Variants in DYNLL1 observed in about 807,000 individuals in gnomAD.
DYNLL1 encodes the protein dynein light chain 1, cytoplasmic.
In DYNLL1, 3 loss-of-function variants were observed where a neutral mutation model predicts 10.1. The observed-to-expected ratio is 0.30, with a 90% CI of 0.14 to 0.77. The LOEUF is 0.77. DYNLL1 is among the 30% of genes least tolerant of loss of function. The pLI is 0.66. For synonymous variants in DYNLL1, 46 were observed against 41.2 expected (o/e 1.12, Z -0.45); for missense variants, 47 against 111.7 (o/e 0.42, Z 2.61).
chr12:120,485,089 T>C (rs1616443), intron 1 of DYNLL1, among the ~76,000 whole-genome samples: 84,196 of 151,932 alleles, frequency 0.55, 25,179 homozygotes, highest in Admixed American at 0.67. Flanking sequence ...CAGTAGCTCA[T>C]GCTTGTAATC....
At chr12:120,479,376 C>T (rs991733567) in intron 1 of DYNLL1, among the ~76,000 whole-genome samples, 2 of 143,324 alleles carry the variant, frequency 1.4e-5, no homozygotes, top group Non-Finnish European at 3.0e-5. Flanking sequence ...ATCACTTGAA[C>T]CCGGGAGGCG....
At chr12:120,478,448 A>G (rs1198139418) in intron 1 of DYNLL1, among the ~76,000 whole-genome samples, 1 of 145,894 alleles carries the variant, frequency 6.9e-6, no homozygotes, top group Admixed American at 6.8e-5. Flanking sequence ...GTCTCACTAT[A>G]TTACCTAGGC....
chr12:120,495,819 C>T (rs929805383), upstream of DYNLL1: 1 of 156,284 alleles, frequency 6.4e-6, no homozygotes, highest in African/African-American at 2.4e-5. Context: ...AGCTCCCTTC[C>T]TACCTCTCCA....
intron 1 of DYNLL1, among the ~76,000 whole-genome samples, chr12:120,486,770 A>C (rs1295738097): frequency 6.6e-6 from 1 of 151,986 alleles, no homozygotes; most frequent in African/African-American, 2.4e-5. Context: ...CTGCACCTGG[A>C]GTGCAAACAG....
intron 1 of DYNLL1, among the ~76,000 whole-genome samples, chr12:120,471,980 C>A (rs1370004843): frequency 6.6e-6 from 1 of 151,952 alleles, no homozygotes; most frequent in Non-Finnish European, 1.5e-5. Context: ...GTATATTTAT[C>A]ATTGCATTCT....
intron 1 of DYNLL1, among the ~76,000 whole-genome samples, chr12:120,489,296 A>G (rs1439038344): frequency 1.3e-5 from 2 of 152,170 alleles, no homozygotes; most frequent in Middle Eastern, 3.2e-3. Flanking sequence ...TCCACTTGGA[A>G]TATCTAATAG....
chr12:120,477,231 G>A (rs1878774974), intron 1 of DYNLL1, among the ~76,000 whole-genome samples: 1 of 152,170 alleles, frequency 6.6e-6, no homozygotes, highest in Admixed American at 6.6e-5. Context: ...GCCCAGCCAA[G>A]AGCAGGTTTT....
At chr12:120,495,355 AC>A (rs1224358425), upstream of DYNLL1, 2 of 151,678 alleles carry the variant, frequency 1.3e-5, no homozygotes, top group Non-Finnish European at 2.9e-5. Flanking sequence ...TCCCAAATCC[AC>A]CCGGATCCCC....
chr12:120,476,304 CT>C (rs1395474918), intron 1 of DYNLL1, among the ~76,000 whole-genome samples: 1 of 114,536 alleles, frequency 8.7e-6, no homozygotes, highest in African/African-American at 4.2e-5. Context: ...TGGGAATTAT[CT>C]GGAGTTTTTT....
intron 1 of DYNLL1, among the ~76,000 whole-genome samples, chr12:120,479,898 G>A (rs1878845631): frequency 6.6e-6 from 1 of 152,156 alleles, no homozygotes; most frequent in Admixed American, 6.5e-5. Context: ...AAGTATTTCA[G>A]ATGTTCACTG....
chr12:120,474,239 G>T (rs1253947267), intron 1 of DYNLL1, among the ~76,000 whole-genome samples: 1 of 152,032 alleles, frequency 6.6e-6, no homozygotes, highest in East Asian at 1.9e-4. Context: ...GGCAGAGGTT[G>T]CAGTGAGCCA....
At chr12:120,496,313 G>T in intron 1 of DYNLL1, 97 bp downstream of exon 1, 1 of 1,497,102 alleles carries the variant, frequency 6.7e-7, no homozygotes, top group South Asian at 1.3e-5. Context: ...TGAGAAGTGG[G>T]GTGGGGGGCG....
rs563192268 is a variant in DYNLL1, at chr12:120,480,872, G to A, written c.-7+10768G>A. 8.6e-5 allele frequency among the ~76,000 whole-genome samples: 13 copies of A among 150,770 alleles called. No individual in the cohort carries two copies. In the South Asian group the frequency reaches 2.7e-3, roughly 31 times the overall value. ...CCTCCCGGGTTCACGTCATTCTCCTGCCTCAGCCTCCCGAGTAGCTGGGAC... is the reference window on the plus strand; with the variant it reads ...CCTCCCGGGTTCACGTCATTCTCCTACCTCAGCCTCCCGAGTAGCTGGGAC... On this transcript the variant is annotated intron_variant, in intron 1 of 2. Transcript: ENST00000392509.
exon 1 of DYNLL1, chr12:120,469,856 A>T (rs566893980): frequency 3.1e-4 from 79 of 256,004 alleles, no homozygotes; most frequent in Non-Finnish European, 5.3e-4. Flanking sequence ...GGGCGCTGAC[A>T]GGGAGAGCCT....
Position 120,477,787 on chromosome 12 carries a change from T to C in DYNLL1, c.-7+7683T>C, listed in dbSNP as rs1332905666. 2.0e-5 allele frequency among the ~76,000 whole-genome samples: 3 copies of C among 151,582 alleles called. No individual in the cohort carries two copies. The East Asian group carries it at 5.8e-4, about 29-fold the overall frequency. On this transcript the variant is annotated intron_variant, in intron 1 of 2. Coordinates refer to the DYNLL1 transcript ENST00000392509. ...AAGACCCCGTCTCTGAAAAATAAAG[T>C]AAAAATATATATATATTTTTTTTTC...
At chr12:120,469,891 C>G (rs1360701559) in exon 1 of DYNLL1, 2 of 228,656 alleles carry the variant, frequency 8.7e-6, no homozygotes, top group Non-Finnish European at 1.7e-5. Flanking sequence ...TGGATGCCAT[C>G]CCCGAGCGCG....
At chr12:120,473,599 G>A in intron 1 of DYNLL1, among the ~76,000 whole-genome samples, 1 of 150,150 alleles carries the variant, frequency 6.7e-6, no homozygotes, top group East Asian at 1.9e-4. Flanking sequence ...GGAGGCTGAG[G>A]CAGGAGAATT....
At position 120,476,875 on chromosome 12, in the gene DYNLL1, G is replaced by T. The variant is rs574983739; in HGVS notation, c.-7+6771G>T. 3.3e-4 allele frequency among the ~76,000 whole-genome samples: 49 copies of T among 150,598 alleles called. 1 individual carries two copies. The South Asian group carries it at 5.7e-3, about 18-fold the overall frequency. On this transcript the variant is annotated intron_variant, in intron 1 of 2. Coordinates refer to the DYNLL1 transcript ENST00000392509. ...GGTCCGCCCGCCTTGGCCTCCCAAA[G>T]TGCTGGGATTACAGGCATGAGCCAC... is the stretch of plus-strand genomic sequence containing the variant.
At chr12:120,470,731 G>A (rs1280873161) in intron 1 of DYNLL1, among the ~76,000 whole-genome samples, 2 of 150,370 alleles carry the variant, frequency 1.3e-5, no homozygotes, top group African/African-American at 2.4e-5. Flanking sequence ...CCCGGCGCCC[G>A]GCTGGAATAC....
Sources: allele counts gnomAD v4.1 joint callset (sites outside exome capture counted in the v4.1 genomes callset), GRCh38; gene constraint gnomAD v4.1.1; transcripts MANE v1.5; gene names NCBI Gene and HGNC (gene_info 2026-07-23, HGNC 2026-07-21).